DTNBP1: variants seen among roughly 807,000 people sequenced by gnomAD.
The protein encoded by DTNBP1 is dystrobrevin binding protein 1, also known as dysbindin.
In DTNBP1, 35 loss-of-function variants were observed where a neutral mutation model predicts 42.8. The ratio of observed to expected loss-of-function variants is 0.82; its 90% CI spans 0.63 to 1.09. DTNBP1 has a LOEUF of 1.09. Among genes scored for constraint, DTNBP1 ranks in the 50% least tolerant of loss-of-function variants. The pLI is 0.00. For missense variants in DTNBP1, 457 were observed against 424.2 expected (o/e 1.08, Z -0.68); for synonymous variants, 171 against 162.2 (o/e 1.05, Z -0.41).
At position 15,558,472 on chromosome 6, in the gene DTNBP1, G is replaced by A. The variant is rs555933579; in HGVS notation, c.512-25077C>T. On this transcript the variant is annotated intron_variant, in intron 7 of 9. Transcript: ENST00000344537. ...AGTAGAGATGGGGTTTCAGCATGTT[G>A]GCCAGACTGGTCTTGAACTCCTGAC... 3.3e-5 allele frequency among the ~76,000 whole-genome samples: 5 copies of A among 152,104 alleles called. No individual in the cohort carries two copies. The East Asian group carries it at 5.8e-4, about 18-fold the overall frequency.
chr6:15,620,424 G>T (rs1275132752), intron 5 of DTNBP1, among the ~76,000 whole-genome samples: 1 of 152,080 alleles, frequency 6.6e-6, no homozygotes, highest in Non-Finnish European at 1.5e-5. Context: ...CTGGGCTTGA[G>T]CGATCTTCCT....
At chr6:15,528,467 C>A (rs1403559859) in intron 8 of DTNBP1, among the ~76,000 whole-genome samples, 1 of 152,134 alleles carries the variant, frequency 6.6e-6, no homozygotes, top group Non-Finnish European at 1.5e-5. Flanking sequence ...AGCTGAGAAC[C>A]AACACTTGAT....
rs1296571477 is a variant in DTNBP1 at position 15,529,628 on chromosome 6, G to A, written c.667+3612C>T. On this transcript the variant is annotated intron_variant, in intron 8 of 9. Transcript: ENST00000344537. ...TGGCTCCATAGGATTCCATTTTGCTGAACTACTGGTTCAGAAACACAAGAG... is the reference window on the plus strand; with the variant it reads ...TGGCTCCATAGGATTCCATTTTGCTAAACTACTGGTTCAGAAACACAAGAG... Among the ~76,000 whole-genome samples the A allele has an allele frequency of 3.3e-5, 5 of 152,322 alleles. No homozygotes were observed. In the East Asian group the frequency reaches 9.6e-4, roughly 29 times the overall value.
intron 6 of DTNBP1, among the ~76,000 whole-genome samples, chr6:15,598,330 ACT>A (rs1054161249): frequency 7.9e-5 from 12 of 152,304 alleles, no homozygotes; most frequent in African/African-American, 2.6e-4. Context: ...GATAAAGCAA[ACT>A]CTCTCTAAAT....
intron 7 of DTNBP1, among the ~76,000 whole-genome samples, chr6:15,567,542 A>T (rs1449230054): frequency 6.6e-6 from 1 of 152,176 alleles, no homozygotes; most frequent in African/African-American, 2.4e-5. Flanking sequence ...ACTCCTTTAG[A>T]TGATAACTCC....
At chr6:15,644,746 A>T (rs1325383136) in intron 3 of DTNBP1, among the ~76,000 whole-genome samples, 1 of 152,188 alleles carries the variant, frequency 6.6e-6, no homozygotes, top group Admixed American at 6.5e-5. Flanking sequence ...GAAAATAAAG[A>T]CACAACATAC....
At chr6:15,566,340 T>G (rs1399139270) in intron 7 of DTNBP1, among the ~76,000 whole-genome samples, 1 of 143,144 alleles carries the variant, frequency 7.0e-6, no homozygotes, top group Admixed American at 7.0e-5. Context: ...AAAAAAATTC[T>G]AAGCCCCCCA....
In DTNBP1 at chr6:15,629,678, T is replaced by C. The variant is rs1022017409; in HGVS notation, c.223-2203A>G. Among the ~76,000 whole-genome samples, 12 of 152,282 alleles carry C rather than the reference T, an allele frequency of 7.9e-5. 1 individual carries two copies. In the South Asian group the frequency reaches 2.5e-3, roughly 32 times the overall value. On this transcript the variant is annotated intron_variant, in intron 4 of 9. Coordinates refer to ENST00000344537, the MANE Select transcript of DTNBP1 (RefSeq NM_032122.5). ...CCCTGTGCTAAGTAATTTACATATA[T>C]TATCTCATTTAAACCACACAGCAAC...
At chr6:15,530,984 G>C (rs1772780085) in intron 8 of DTNBP1, among the ~76,000 whole-genome samples, 1 of 152,108 alleles carries the variant, frequency 6.6e-6, no homozygotes, top group Admixed American at 6.5e-5. Context: ...GGGGCCTTTG[G>C]GAGGTAATTA....
intron 8 of DTNBP1, among the ~76,000 whole-genome samples, chr6:15,529,595 G>A (rs886629824): frequency 1.3e-5 from 2 of 152,186 alleles, no homozygotes; most frequent in Non-Finnish European, 2.9e-5. Flanking sequence ...TGGAAGCAGG[G>A]ACACCCCTGG....
rs72837870 is a variant in DTNBP1, at chr6:15,648,100, A to T, written c.161+3213T>A. Among the ~76,000 whole-genome samples, 819 of 152,202 alleles carry T rather than the reference A, an allele frequency of 5.4e-3. 6 individuals carry two copies. Among genetic ancestry groups the T allele is most frequent in the Non-Finnish European group, 8.8e-3 (596 of 67,918 alleles). ...TATTCCTGGAATGCAAGAATGGCTCAACATATGAAAATCTGTCAATGTAAT... is the reference window on the plus strand; with the variant it reads ...TATTCCTGGAATGCAAGAATGGCTCTACATATGAAAATCTGTCAATGTAAT... On this transcript the variant is annotated intron_variant, in intron 3 of 9. Transcript: ENST00000344537.
chr6:15,613,908 T>C (rs1484582369), intron 6 of DTNBP1, among the ~76,000 whole-genome samples: 1 of 152,260 alleles, frequency 6.6e-6, no homozygotes, highest in African/African-American at 2.4e-5. Flanking sequence ...CAGAATTACC[T>C]AGAATGCCTG....
chr6:15,547,138 G>C (rs956332445), intron 7 of DTNBP1, among the ~76,000 whole-genome samples: 5 of 152,002 alleles, frequency 3.3e-5, no homozygotes. Context: ...CAAAATCAAA[G>C]GCTTTTTTTA....
chr6:15,531,700 C>T (rs1419476890), intron 8 of DTNBP1, among the ~76,000 whole-genome samples: 1 of 152,184 alleles, frequency 6.6e-6, no homozygotes, highest in East Asian at 1.9e-4. Context: ...GTGGCGCGAT[C>T]TCAGCTCACT....
intron 7 of DTNBP1, 22 bp from the exon 8 acceptor site, chr6:15,533,417 G>A: frequency 6.2e-7 from 1 of 1,614,166 alleles, no homozygotes; most frequent in South Asian, 1.1e-5. Flanking sequence ...GAATAACTGG[G>A]GTTAGGGTTT....
At chr6:15,563,720 C>T (rs1055366526) in intron 7 of DTNBP1, among the ~76,000 whole-genome samples, 5 of 152,144 alleles carry the variant, frequency 3.3e-5, no homozygotes, top group African/African-American at 1.2e-4. Flanking sequence ...CACTCTTTGA[C>T]TAATCAATGA....
chr6:15,527,299 ATGAC>A (rs1772474929), intron 8 of DTNBP1, among the ~76,000 whole-genome samples: 4 of 152,248 alleles, frequency 2.6e-5, no homozygotes, highest in Admixed American at 2.6e-4. Context: ...TACCTATTTG[ATGAC>A]TGACATCAGC....
rs145920818 is a variant in DTNBP1, at chr6:15,522,809, T to C, written c.*166A>G. On this transcript the variant is annotated 3_prime_UTR_variant, in exon 10 of 10. Coordinates refer to ENST00000344537, the MANE Select transcript of DTNBP1 (RefSeq NM_032122.5). ...AAACTAGCTCTGTGCGCTCTCAGTT[T>C]ACCGTCCTCACACTTTATTGTTAGC... 44 of 1,225,746 alleles carry C rather than the reference T, an allele frequency of 3.6e-5. No homozygotes were observed. The African/African-American group carries it at 6.0e-4, about 17-fold the overall frequency. 75.9% of individuals were successfully genotyped at this position (1,225,746 alleles called of 1,614,324 possible). A position where few individuals can be genotyped will look rare whatever the true frequency, so the allele number is the denominator to read the frequency against.
At chr6:15,618,876 G>A (rs188460991) in intron 5 of DTNBP1, among the ~76,000 whole-genome samples, 18 of 152,254 alleles carry the variant, frequency 1.2e-4, no homozygotes, top group African/African-American at 3.9e-4. Context: ...ATATATAAAC[G>A]ATGGAATACT....
Sources: gnomAD v4.1 joint callset for allele counts (sites outside exome capture counted in the v4.1 genomes callset) on GRCh38, gnomAD v4.1.1 for gene constraint, MANE v1.5 for transcripts, NCBI Gene and HGNC (gene_info 2026-07-23, HGNC 2026-07-21) for gene names.